Variants in CLEC17A observed in about 807,000 individuals in gnomAD.
CLEC17A encodes the protein C-type lectin domain family 17, member A.
A neutral mutation model predicts 61.3 loss-of-function variants in CLEC17A; 37 were observed. That is an observed-to-expected ratio of 0.60 (90% confidence interval 0.46 to 0.79). The LOEUF (loss-of-function observed/expected upper bound fraction) is 0.79, where lower values mean the gene tolerates loss of function less well. Among genes scored for constraint, CLEC17A ranks in the 30% least tolerant of loss-of-function variants. The pLI is 0.00. For missense variants in CLEC17A, 418 were observed against 464.7 expected, an observed-to-expected ratio of 0.90 and a Z score of 0.92; for synonymous variants, 168 against 164.9, an observed-to-expected ratio of 1.02 and a Z score of -0.14.
chr19:14,596,310 T>TCATA (rs1216806087), intron 8 of CLEC17A, among the ~76,000 whole-genome samples: 3 of 151,992 alleles, frequency 2.0e-5, no homozygotes, highest in Non-Finnish European at 4.4e-5. Flanking sequence ...ATAACCTACA[T>TCATA]CATAAGGATG....
intron 3 of CLEC17A, among the ~76,000 whole-genome samples, chr19:14,590,719 T>C (rs71334720): frequency 1.2e-4 from 18 of 151,942 alleles, no homozygotes; most frequent in African/African-American, 3.6e-4. Context: ...TGGGGTCTCC[T>C]TCTGTTGCCC....
chr19:14,596,826 C>T (rs2074563305), intron 8 of CLEC17A, 50 bp from the exon 9 acceptor site: 1 of 1,589,716 alleles, frequency 6.3e-7, no homozygotes, highest in African/African-American at 1.4e-5. Context: ...CTCTTCCTTA[C>T]TCTCTGAAGC....
At position 14,610,527 on chromosome 19, in the gene CLEC17A, G is replaced by T; in HGVS notation, c.*331G>T. The T allele has an allele frequency of 4.1e-6, 1 of 243,024 alleles. No individual in the cohort carries two copies. The highest frequency in any genetic ancestry group is 8.2e-6 in the Non-Finnish European group (1 of 122,652). 15.1% of individuals were successfully genotyped at this position (243,024 alleles called of 1,614,324 possible). A position where few individuals can be genotyped will look rare whatever the true frequency, so the allele number is the denominator to read the frequency against. On this transcript the variant is annotated 3_prime_UTR_variant, in exon 14 of 14. Transcript: ENST00000417570. ...ACTAGCCCTGAGGACCCTGGGGCTG[G>T]TGTTGAACCTGGGATGAAATATCCT...
intron 3 of CLEC17A, among the ~76,000 whole-genome samples, chr19:14,590,085 A>G (rs2074372995): frequency 7.0e-6 from 1 of 143,756 alleles, no homozygotes; most frequent in South Asian, 2.3e-4. Context: ...TTCCTGAACC[A>G]CAGAAACTGT....
chr19:14,591,375 C>T (rs1257669522), intron 3 of CLEC17A, among the ~76,000 whole-genome samples: 1 of 151,390 alleles, frequency 6.6e-6, no homozygotes, highest in South Asian at 2.1e-4. Context: ...AGGATAGTCT[C>T]GATCTCCTGA....
chr19:14,592,895 G>T (rs2074455934), intron 4 of CLEC17A, among the ~76,000 whole-genome samples: 1 of 151,956 alleles, frequency 6.6e-6, no homozygotes, highest in South Asian at 2.1e-4. Flanking sequence ...CAAACTCCTG[G>T]CCTCAAGTGA....
At chr19:14,602,521 T>C (rs2074746628) in intron 12 of CLEC17A, among the ~76,000 whole-genome samples, 1 of 151,390 alleles carries the variant, frequency 6.6e-6, no homozygotes, top group African/African-American at 2.4e-5. Flanking sequence ...CTGGAACTCC[T>C]GACCTCAAGT....
intron 4 of CLEC17A, among the ~76,000 whole-genome samples, chr19:14,594,112 GTC>G (rs2074487996): frequency 6.6e-6 from 1 of 151,806 alleles, no homozygotes; most frequent in African/African-American, 2.4e-5. Flanking sequence ...GTGGAATCCT[GTC>G]TCTACTAAAA....
intron 2 of CLEC17A, among the ~76,000 whole-genome samples, chr19:14,586,891 C>CTTTTT (rs1056065617): frequency 2.5e-5 from 3 of 121,738 alleles, no homozygotes; most frequent in South Asian, 2.5e-4. Context: ...TTCTTTCTTT[C>CTTTTT]TTTTTTTTTT....
intron 12 of CLEC17A, among the ~76,000 whole-genome samples, chr19:14,600,747 A>G (rs2074686648): frequency 6.6e-6 from 1 of 150,840 alleles, no homozygotes; most frequent in Admixed American, 6.7e-5. Flanking sequence ...ACGCCCGGCT[A>G]ATTTTGTTTT....
At chr19:14,607,907 G>A (rs1405113959) in intron 13 of CLEC17A, among the ~76,000 whole-genome samples, 1 of 151,982 alleles carries the variant, frequency 6.6e-6, no homozygotes, top group African/African-American at 2.4e-5. Flanking sequence ...GTCTCGCCCT[G>A]TCACCCAGGC....
chr19:14,607,028 G>C lies in CLEC17A; in HGVS notation c.930G>C (p.Val310=). ...FVAKAHGSPR[V]YWLGLNDRAQ... ...CCAAGGCCCATGGCTCTCCACGGGTGTACTGGCTGGGGCTGAATGACAGGG... is the reference window on the plus strand; with the variant it reads ...CCAAGGCCCATGGCTCTCCACGGGTCTACTGGCTGGGGCTGAATGACAGGG... Residue 310 remains valine (V), a synonymous_variant, in exon 13 of 14, where the codon GTG becomes GTC. Coordinates refer to ENST00000417570, the MANE Select transcript of CLEC17A (RefSeq NM_001204118.2). 7.5e-7 allele frequency: 1 copy of C among 1,327,978 alleles called. No homozygotes were observed. The highest frequency in any genetic ancestry group is 1.5e-5 in the African/African-American group (1 of 66,692). The allele number at this position is 1,327,978 out of a possible 1,614,324, so 82.3% of individuals were successfully genotyped here. A position where few individuals can be genotyped will look rare whatever the true frequency, so the allele number is the denominator to read the frequency against.
chr19:14,609,046 C>T (rs145155710), intron 13 of CLEC17A, among the ~76,000 whole-genome samples: 3,490 of 152,146 alleles, frequency 0.023, 69 homozygotes, highest in Non-Finnish European at 0.036. Context: ...GTGATCTACC[C>T]GTCTTGGCCT....
At chr19:14,604,734 G>A (rs2074812465) in intron 12 of CLEC17A, among the ~76,000 whole-genome samples, 1 of 151,938 alleles carries the variant, frequency 6.6e-6, no homozygotes, top group Non-Finnish European at 1.5e-5. Context: ...CTGCATTCCA[G>A]TCTGGGAGAC....
chr19:14,603,777 T>A (rs1222531587), intron 12 of CLEC17A, among the ~76,000 whole-genome samples: 1 of 152,166 alleles, frequency 6.6e-6, no homozygotes, highest in Non-Finnish European at 1.5e-5. Flanking sequence ...CATAGCTCAC[T>A]TCTTAATTCA....
intron 1 of CLEC17A, 23 bp downstream of exon 1, chr19:14,583,226 G>C (rs746430723): frequency 1.2e-6 from 2 of 1,613,816 alleles, no homozygotes; most frequent in South Asian, 1.1e-5. Flanking sequence ...CCAGGCTGGG[G>C]CTGGGGCCTA....
rs771262078 is a variant in CLEC17A at position 14,595,262 on chromosome 19, C to T, written c.404-12C>T. On this transcript the variant is annotated splice_polypyrimidine_tract_variant and intron_variant, in intron 7 of 13. Transcript: ENST00000417570. Reference sequence around the variant, plus strand: ...CATCTTCTGAATAAACCTCTCTCCCCCTTTCTCCCAGCTGTGAATCTTGAG... The same window carrying T: ...CATCTTCTGAATAAACCTCTCTCCCTCTTTCTCCCAGCTGTGAATCTTGAG... The T allele has an allele frequency of 8.1e-6, 13 of 1,613,794 alleles. No individual in the cohort carries two copies. The highest frequency in any genetic ancestry group is 2.2e-5 in the East Asian group (1 of 44,884).
Position 14,597,147 on chromosome 19 carries a change from C to T in CLEC17A, c.632C>T (p.Thr211Met), listed in dbSNP as rs199539924. Reference sequence around the variant, plus strand: ...AGAATGTTAAGCTTTCAGCAGATGACGTGGCGAACAAATAGTGAGTGCTTT... The same window carrying T: ...AGAATGTTAAGCTTTCAGCAGATGATGTGGCGAACAAATAGTGAGTGCTTT... ...ELRMLSFQQM[T>M]WRTNMTGMAG... The change falls in exon 10 of 14, where the codon ACG becomes ATG. Residue 211 changes from threonine to methionine, a missense_variant. Thr to Met is a moderately conservative substitution (Grantham distance 81). Coordinates refer to ENST00000417570, the MANE Select transcript of CLEC17A (RefSeq NM_001204118.2). 263 of 1,611,222 alleles carry T rather than the reference C, an allele frequency of 1.6e-4. No homozygotes were observed. The Middle Eastern group carries it at 1.6e-3, about 10-fold the overall frequency.
rs2074500870 is a variant in CLEC17A, at chr19:14,594,675, C to T, written c.354C>T (p.Asn118=). The T allele has an allele frequency of 2.5e-6, 4 of 1,613,984 alleles. No homozygotes were observed. In the South Asian group the frequency reaches 3.3e-5, roughly 13 times the overall value. The change falls in exon 6 of 14, where the codon AAC becomes AAT. Residue 118 remains asparagine (N), a synonymous_variant. Transcript: ENST00000417570. ...CCCCACTTCCTTGCAAGCCCCGGAA[C>T]ATGACAGGTGAGAGCTGACAGTTGG... ...EKPPLPCKPR[N]MTGLDLAAVT...
Sources: allele counts gnomAD v4.1 joint callset (sites outside exome capture counted in the v4.1 genomes callset), GRCh38; gene constraint gnomAD v4.1.1; transcripts MANE v1.5; gene names NCBI Gene and HGNC (gene_info 2026-07-23, HGNC 2026-07-21).